Variants in PDZD2 observed in about 807,000 individuals in gnomAD.
PDZD2 encodes PDZ domain containing 2.
Under a neutral mutation model 220.7 loss-of-function variants are expected in PDZD2, and 90 were observed. The ratio of observed to expected loss-of-function variants is 0.41; its 90% CI spans 0.34 to 0.49. The LOEUF (loss-of-function observed/expected upper bound fraction) is 0.49. Among genes scored for constraint, PDZD2 ranks in the 20% least tolerant of loss-of-function variants. The probability of loss-of-function intolerance (pLI) is 0.28; values close to 1 mark genes in which losing one functional copy is unlikely to be tolerated. For missense variants in PDZD2, 3,174 were observed against 3,608.5 expected (o/e 0.88, Z 3.08); for synonymous variants, 1,375 against 1,450.5 (o/e 0.95, Z 1.18).
chr5:31,827,630 T>TGCA, intron 2 of PDZD2, among the ~76,000 whole-genome samples: 1 of 150,570 alleles, frequency 6.6e-6, no homozygotes, highest in Non-Finnish European at 1.5e-5. Flanking sequence ...AGGCAGAGGT[T>TGCA]GCAGTGAGCT....
chr5:32,092,931 G>C lies in PDZD2; in HGVS notation c.7752G>C (p.Ala2584=), dbSNP rs573949489. The C allele has an allele frequency of 6.3e-7, 1 of 1,590,068 alleles. No homozygotes were observed. Among genetic ancestry groups the C allele is most frequent in the South Asian group, 1.1e-5 (1 of 90,312 alleles). The change falls in exon 21 of 25, where the codon GCG becomes GCC. Residue 2584 remains alanine, a synonymous_variant. Transcript: ENST00000438447. The part of the protein sequence containing the change: ...SVNLDQLLVS[A]GDQQRLQSVL... ...GTTTGGATCAACTTCTAGTCTCAGC[G>C]GGGGACCAGCAAAGATTACAGTCTG...
intron 2 of PDZD2, among the ~76,000 whole-genome samples, chr5:31,844,341 G>T (rs1757479297): frequency 6.6e-6 from 1 of 152,148 alleles, no homozygotes; most frequent in Non-Finnish European, 1.5e-5. Flanking sequence ...CAGCTATAAA[G>T]AAAATGATTA....
intron 2 of PDZD2, among the ~76,000 whole-genome samples, chr5:31,833,530 C>T (rs1325958034): frequency 4.6e-5 from 7 of 151,158 alleles, no homozygotes; most frequent in South Asian, 2.1e-4. Context: ...GTAATCCGCC[C>T]ACCTTGGCCT....
At chr5:32,100,247 G>A (rs770253875) in intron 23 of PDZD2, 40 of 158,520 alleles carry the variant, frequency 2.5e-4, no homozygotes, top group Non-Finnish European at 4.5e-4. Context: ...GACAATGCTA[G>A]CTTGGCTTCA....
At chr5:31,976,175 C>T (rs930057914) in intron 2 of PDZD2, among the ~76,000 whole-genome samples, 1 of 152,106 alleles carries the variant, frequency 6.6e-6, no homozygotes, top group Non-Finnish European at 1.5e-5. Flanking sequence ...ACCTGGGTCC[C>T]ATCCCTCTTA....
chr5:31,997,996 C>T (rs918796177), intron 4 of PDZD2, among the ~76,000 whole-genome samples: 8 of 152,154 alleles, frequency 5.3e-5, no homozygotes, highest in African/African-American at 1.9e-4. Flanking sequence ...GCGCTTGCCA[C>T]CATACCCGGC....
intron 19 of PDZD2, among the ~76,000 whole-genome samples, chr5:32,086,141 A>G (rs1309207981): frequency 6.6e-6 from 1 of 152,112 alleles, no homozygotes; most frequent in African/African-American, 2.4e-5. Flanking sequence ...CAGCTTTCGT[A>G]TTCTGTATGT....
At chr5:31,878,412 C>T (rs2150332499) in intron 2 of PDZD2, among the ~76,000 whole-genome samples, 1 of 152,198 alleles carries the variant, frequency 6.6e-6, no homozygotes, top group South Asian at 2.1e-4. Flanking sequence ...TTCAGAAGAA[C>T]ATAGACAAGC....
intron 1 of PDZD2, among the ~76,000 whole-genome samples, chr5:31,676,188 A>G (rs991369550): frequency 2.0e-5 from 3 of 152,198 alleles, no homozygotes; most frequent in African/African-American, 4.8e-5. Flanking sequence ...TCATGTATTT[A>G]TTTATTCATT....
chr5:31,976,709 TC>T (rs1749800536), intron 2 of PDZD2, among the ~76,000 whole-genome samples: 1 of 106,850 alleles, frequency 9.4e-6, no homozygotes, highest in Non-Finnish European at 1.8e-5. Flanking sequence ...CTTTTTTTCT[TC>T]TTTCTTTTTT....
chr5:32,056,614 A>G (rs1739107096), intron 10 of PDZD2, among the ~76,000 whole-genome samples: 1 of 152,214 alleles, frequency 6.6e-6, no homozygotes, highest in African/African-American at 2.4e-5. Flanking sequence ...AACAGCTTGA[A>G]AAACGACCTG....
chr5:31,850,274 A>C lies in PDZD2; in HGVS notation c.476+50550A>C, dbSNP rs1244023416. Among the ~76,000 whole-genome samples the C allele has an allele frequency of 6.8e-5, 10 of 146,874 alleles. No homozygotes were observed. The East Asian group carries it at 1.4e-3, about 20-fold the overall frequency. On this transcript the variant is annotated intron_variant, in intron 2 of 24. Coordinates refer to ENST00000438447, the MANE Select transcript of PDZD2 (RefSeq NM_178140.4). ...CACACACACACACATATATATACTTATCATCTAGTTAATGTCCACAGTTGG... is the reference window on the plus strand; with the variant it reads ...CACACACACACACATATATATACTTCTCATCTAGTTAATGTCCACAGTTGG...
At chr5:32,076,038 C>A (rs951480348) in intron 18 of PDZD2, among the ~76,000 whole-genome samples, 7 of 152,128 alleles carry the variant, frequency 4.6e-5, no homozygotes, top group Admixed American at 3.9e-4. Context: ...GTAATCCCAG[C>A]ACTTTGGGAT....
At chr5:31,885,133 C>A (rs1208757332) in intron 2 of PDZD2, among the ~76,000 whole-genome samples, 4 of 144,604 alleles carry the variant, frequency 2.8e-5, no homozygotes, top group Admixed American at 7.1e-5. Flanking sequence ...GAAATGGCAA[C>A]TCCCAGAAGA....
At position 31,774,620 on chromosome 5, in the gene PDZD2, G is replaced by A. The variant is rs186495109; in HGVS notation, c.-360-24269G>A. On this transcript the variant is annotated intron_variant, in intron 1 of 24. Transcript: ENST00000438447. The stretch of plus-strand genomic sequence containing the variant: ...AATCCCAGCTATTTGGGAGGCTGAG[G>A]TAGGAGAATCGCTTGAACCTGGGAG... Among the ~76,000 whole-genome samples, 124 of 151,878 alleles carry A rather than the reference G, an allele frequency of 8.2e-4. 1 individual carries two copies. The highest frequency in any genetic ancestry group is 2.9e-3 in the African/African-American group (118 of 41,400).
chr5:32,079,280 CAAAAAAA>C, intron 19 of PDZD2, among the ~76,000 whole-genome samples: 1 of 121,400 alleles, frequency 8.2e-6, no homozygotes, highest in African/African-American at 3.4e-5. Context: ...AAAAAAAAAA[CAAAAAAA>C]AAAAAGGAAA....
intron 1 of PDZD2, among the ~76,000 whole-genome samples, chr5:31,644,521 G>C (rs142441143): frequency 6.6e-6 from 1 of 152,340 alleles, no homozygotes; most frequent in African/African-American, 2.4e-5. Flanking sequence ...AGGCGGCTGA[G>C]CCGAGAGATG....
chr5:31,687,777 C>T lies in PDZD2; in HGVS notation c.-361+48340C>T, dbSNP rs1746932479. On this transcript the variant is annotated intron_variant, in intron 1 of 24. Transcript: ENST00000438447. ...CCACCTTCTCTTCTCACTGTGTCCT[C>T]ACGTGGCAGAGAGAGCGCGCTGATG... Among the ~76,000 whole-genome samples, 4 of 152,212 alleles carry T rather than the reference C, an allele frequency of 2.6e-5. No homozygotes were observed. In the South Asian group the frequency reaches 8.3e-4, roughly 32 times the overall value.
chr5:31,767,184 A>T (rs1192423605), intron 1 of PDZD2, among the ~76,000 whole-genome samples: 2 of 151,272 alleles, frequency 1.3e-5, no homozygotes, highest in Non-Finnish European at 1.5e-5. Context: ...GGTGCCCGCC[A>T]CCATGCCCAG....
Sources: allele counts gnomAD v4.1 joint callset (sites outside exome capture counted in the v4.1 genomes callset), GRCh38; gene constraint gnomAD v4.1.1; transcripts MANE v1.5; gene names NCBI Gene and HGNC (gene_info 2026-07-23, HGNC 2026-07-21).